Variants in PABPC4L observed in about 807,000 individuals in gnomAD.
The protein encoded by PABPC4L is polyadenylate-binding protein 4-like.
For synonymous variants in PABPC4L, 169 were observed against 164.1 expected, an observed-to-expected ratio of 1.03 and a Z score of -0.23; for missense variants, 452 against 451.4, an observed-to-expected ratio of 1.00 and a Z score of -0.01.
chr4:134,118,033 C>T, the PABPC4L span, among the ~76,000 whole-genome samples: 1 of 151,794 alleles, frequency 6.6e-6, no homozygotes, highest in African/African-American at 2.4e-5. Context: ...AATCATCTAG[C>T]CCAATCTGTG....
the PABPC4L span, among the ~76,000 whole-genome samples, chr4:134,114,498 C>G: frequency 6.6e-6 from 1 of 151,616 alleles, no homozygotes. Flanking sequence ...TGACATCTGG[C>G]AAGATTGTAC....
the PABPC4L span, among the ~76,000 whole-genome samples, chr4:134,025,803 A>C: frequency 2.0e-5 from 3 of 152,118 alleles, no homozygotes; most frequent in Admixed American, 1.3e-4. Context: ...TATGCTAACT[A>C]TAAGACTGAA....
chr4:134,120,225 C>T, the PABPC4L span, among the ~76,000 whole-genome samples: 1 of 148,056 alleles, frequency 6.8e-6, no homozygotes, highest in African/African-American at 2.5e-5. Flanking sequence ...GCTCCAAGCC[C>T]TAACCAGCAC....
chr4:134,106,858 T>A, the PABPC4L span, among the ~76,000 whole-genome samples: 1 of 151,566 alleles, frequency 6.6e-6, no homozygotes, highest in African/African-American at 2.4e-5. Context: ...TCTTAAACTA[T>A]CATCATAGGA....
chr4:134,129,262 G>T, the PABPC4L span, among the ~76,000 whole-genome samples: 14 of 152,052 alleles, frequency 9.2e-5, no homozygotes, highest in African/African-American at 3.4e-4. Context: ...CTCTGGACAG[G>T]TCATCAAGAC....
the PABPC4L span, among the ~76,000 whole-genome samples, chr4:134,188,845 T>C: frequency 6.6e-6 from 1 of 152,106 alleles, no homozygotes; most frequent in East Asian, 1.9e-4. Context: ...TTGTCTGATG[T>C]TAATTTTGAA....
chr4:134,079,726 AT>A, the PABPC4L span, among the ~76,000 whole-genome samples: 1 of 151,126 alleles, frequency 6.6e-6, no homozygotes, highest in Non-Finnish European at 1.5e-5. Context: ...AGAGAGAGAG[AT>A]TTCCCCCCAA....
the PABPC4L span, among the ~76,000 whole-genome samples, chr4:134,098,389 G>T: frequency 2.0e-5 from 3 of 151,662 alleles, no homozygotes; most frequent in African/African-American, 7.3e-5. Context: ...ATACCTGGGA[G>T]TAATCTGTTT....
the PABPC4L span, among the ~76,000 whole-genome samples, chr4:134,138,027 A>C: frequency 1.3e-5 from 2 of 151,896 alleles, no homozygotes. Flanking sequence ...TATTTATATG[A>C]TATCTAAGCC....
the PABPC4L span, among the ~76,000 whole-genome samples, chr4:134,016,345 C>T: frequency 1.4e-4 from 22 of 152,246 alleles, no homozygotes; most frequent in South Asian, 1.2e-3. Context: ...TTCCTCACTA[C>T]GCAAGGGTCC....
the PABPC4L span, among the ~76,000 whole-genome samples, chr4:134,130,215 A>G: frequency 4.6e-5 from 7 of 152,158 alleles, no homozygotes; most frequent in South Asian, 1.5e-3. Context: ...TGAAATTAAA[A>G]CAAATAAAAG....
chr4:134,134,669 T>TAA, the PABPC4L span, among the ~76,000 whole-genome samples: 1 of 149,374 alleles, frequency 6.7e-6, no homozygotes. Context: ...CAATTTTATA[T>TAA]ATAAATAAAT....
the PABPC4L span, among the ~76,000 whole-genome samples, chr4:133,968,603 A>G: frequency 6.6e-5 from 10 of 152,208 alleles, no homozygotes; most frequent in Admixed American, 1.3e-4. Context: ...ACAAAAAACA[A>G]AAAATGGGCC....
At chr4:133,949,213 C>T in the PABPC4L span, among the ~76,000 whole-genome samples, 4 of 152,166 alleles carry the variant, frequency 2.6e-5, no homozygotes, top group African/African-American at 4.8e-5. Context: ...GACCTCATTC[C>T]AGCTAGCACA....
At chr4:133,975,690 G>GA in the PABPC4L span, among the ~76,000 whole-genome samples, 2 of 152,104 alleles carry the variant, frequency 1.3e-5, no homozygotes, top group Admixed American at 6.6e-5. Flanking sequence ...ACAGAGGCAT[G>GA]ATGATAAGGC....
the PABPC4L span, among the ~76,000 whole-genome samples, chr4:133,999,722 G>C: frequency 6.6e-6 from 1 of 151,876 alleles, no homozygotes; most frequent in Non-Finnish European, 1.5e-5. Context: ...ATAAAGGCTT[G>C]GTTCTTACTA....
At chr4:133,953,953 C>T in the PABPC4L span, among the ~76,000 whole-genome samples, 2 of 152,226 alleles carry the variant, frequency 1.3e-5, no homozygotes, top group Admixed American at 6.5e-5. Flanking sequence ...TTTAAGATTT[C>T]TAACCTCAGT....
At chr4:133,961,236 GACTCTGTGCAGCCA>G in the PABPC4L span, among the ~76,000 whole-genome samples, 8 of 152,128 alleles carry the variant, frequency 5.3e-5, no homozygotes, top group Non-Finnish European at 1.0e-4. Flanking sequence ...CACATCACAA[GACTCTGTGCAGCCA>G]ACTCCCAGTA....
chr4:134,195,407 A>T (rs1261710465), downstream of PABPC4L, among the ~76,000 whole-genome samples: 1 of 151,838 alleles, frequency 6.6e-6, no homozygotes, highest in Non-Finnish European at 1.5e-5. Context: ...GATTGTAAAA[A>T]CAAAAAATGA....
Sources: allele counts gnomAD v4.1 joint callset (sites outside exome capture counted in the v4.1 genomes callset), GRCh38; gene constraint gnomAD v4.1.1; transcripts MANE v1.5; gene names NCBI Gene and HGNC (gene_info 2026-07-23, HGNC 2026-07-21).